Variants in ABI3BP observed in about 807,000 individuals in gnomAD.
ABI3BP encodes the protein target of Nesh-SH3.
A neutral mutation model predicts 268.6 loss-of-function variants in ABI3BP; 216 were observed. That is an observed-to-expected ratio of 0.80 (90% confidence interval 0.72 to 0.90). ABI3BP has a LOEUF of 0.90. Ranked by LOEUF, ABI3BP falls within the 40% of genes least tolerant of loss-of-function variation. The probability of loss-of-function intolerance (pLI) is 0.00; values close to 1 mark genes in which losing one functional copy is unlikely to be tolerated. For missense variants in ABI3BP, 2,090 were observed against 2,182.4 expected, an observed-to-expected ratio of 0.96 and a Z score of 0.84; for synonymous variants, 730 against 730.0, an observed-to-expected ratio of 1.00 and a Z score of 0.00.
chr3:100,952,008 C>A (rs1378084842), intron 1 of ABI3BP, among the ~76,000 whole-genome samples: 1 of 150,002 alleles, frequency 6.7e-6, no homozygotes, highest in East Asian at 1.9e-4. Context: ...CCCCACCCAA[C>A]AAGATCACTG....
chr3:100,882,650 A>T (rs946756580), intron 6 of ABI3BP, among the ~76,000 whole-genome samples: 3 of 152,046 alleles, frequency 2.0e-5, no homozygotes, highest in Non-Finnish European at 4.4e-5. Context: ...GCATGCAGGA[A>T]GTTGCTTCCT....
At chr3:100,922,057 CT>C (rs2153616847) in intron 2 of ABI3BP, among the ~76,000 whole-genome samples, 1 of 152,344 alleles carries the variant, frequency 6.6e-6, no homozygotes, top group Non-Finnish European at 1.5e-5. Context: ...ATACCACTAC[CT>C]TATTACAAAA....
In ABI3BP at chr3:100,749,743, G is replaced by A. The variant is rs1289588388; in HGVS notation, c.*752C>T. 1.5e-5 allele frequency: 6 copies of A among 398,238 alleles called. No homozygotes were observed. The highest frequency in any genetic ancestry group is 8.2e-5 in the African/African-American group (4 of 48,598). The allele number at this position is 398,238 out of a possible 1,614,324, so 24.7% of individuals were successfully genotyped here. On this transcript the variant is annotated 3_prime_UTR_variant, in exon 68 of 68. Coordinates refer to ENST00000471714, the MANE Select transcript of ABI3BP (RefSeq NM_001375547.2). ...AGAATCATAAAAACAATATGAAGAC[G>A]ATTGCATAAAGGGATAGTTTGACAA...
chr3:100,876,627 C>T (rs997232710), intron 6 of ABI3BP, 67 bp from the exon 7 acceptor site: 268 of 1,417,732 alleles, frequency 1.9e-4, no homozygotes, highest in Non-Finnish European at 2.4e-4. Flanking sequence ...TTAAAACGTT[C>T]GGAGAACTGG....
chr3:100,794,888 A>G (rs1180156805), intron 54 of ABI3BP, 35 bp downstream of exon 54: 3 of 1,473,610 alleles, frequency 2.0e-6, no homozygotes, highest in South Asian at 1.2e-5. Context: ...CTAAAAGGCA[A>G]GCTCTCTTTG....
At chr3:100,780,482 C>G (rs1445331240) in intron 57 of ABI3BP, among the ~76,000 whole-genome samples, 1 of 152,142 alleles carries the variant, frequency 6.6e-6, no homozygotes, top group Non-Finnish European at 1.5e-5. Context: ...CACTGCCTTA[C>G]TGGGTGGTAT....
chr3:100,909,620 A>T (rs1407474159), intron 2 of ABI3BP, among the ~76,000 whole-genome samples: 2 of 152,244 alleles, frequency 1.3e-5, no homozygotes, highest in Non-Finnish European at 2.9e-5. Context: ...ACATGAACAG[A>T]CACTTCTCAA....
At chr3:100,754,473 T>G in intron 64 of ABI3BP, 139 bp downstream of exon 64, 1 of 760,484 alleles carries the variant, frequency 1.3e-6, no homozygotes, top group Non-Finnish European at 2.2e-6. Flanking sequence ...CTTCATCAGT[T>G]TGCTTTTTCC....
At chr3:100,929,869 G>C (rs1470812241) in intron 1 of ABI3BP, among the ~76,000 whole-genome samples, 1 of 151,880 alleles carries the variant, frequency 6.6e-6, no homozygotes, top group East Asian at 1.9e-4. Context: ...CAGCAAAAAG[G>C]TTAAGCAAGT....
chr3:100,924,219 G>C (rs930331062), intron 2 of ABI3BP, among the ~76,000 whole-genome samples: 2 of 152,054 alleles, frequency 1.3e-5, no homozygotes, highest in African/African-American at 2.4e-5. Flanking sequence ...AGAAGGTAGA[G>C]AGGATTGTTA....
intron 10 of ABI3BP, among the ~76,000 whole-genome samples, chr3:100,865,591 G>A (rs2099042739): frequency 6.6e-6 from 1 of 152,148 alleles, no homozygotes; most frequent in African/African-American, 2.4e-5. Context: ...AATGAATTGA[G>A]AGCCAGAAAG....
Position 100,851,951 on chromosome 3 carries a change from A to AAAC in ABI3BP, c.1286-12_1286-11insGTT. 1 of 1,544,532 alleles carries AAAC rather than the reference A, an allele frequency of 6.5e-7. No individual in the cohort carries two copies. Among genetic ancestry groups the AAAC allele is most frequent in the Non-Finnish European group, 8.7e-7 (1 of 1,149,076 alleles). On this transcript the variant is annotated splice_polypyrimidine_tract_variant and intron_variant, in intron 14 of 67. Transcript: ENST00000471714. ...AAACATCATAAGTTGCTTAAAAAAA[A>AAAC]AAAAAAGGCAAAACAAGAGAGATGT...
chr3:100,824,968 C>CT, intron 35 of ABI3BP, 27 bp from the exon 36 acceptor site: 3 of 1,524,132 alleles, frequency 2.0e-6, no homozygotes, highest in Non-Finnish European at 2.6e-6. Context: ...CCTTGTGTTA[C>CT]TCTAGGTCTT....
chr3:100,795,354 C>T (rs1452414805), intron 53 of ABI3BP, among the ~76,000 whole-genome samples: 1 of 152,022 alleles, frequency 6.6e-6, no homozygotes, highest in African/African-American at 2.4e-5. Flanking sequence ...AGAATATCAT[C>T]ATTGTTGGTA....
intron 2 of ABI3BP, among the ~76,000 whole-genome samples, chr3:100,904,444 A>G (rs1416171579): frequency 6.6e-6 from 1 of 152,214 alleles, no homozygotes; most frequent in African/African-American, 2.4e-5. Flanking sequence ...CCACTCATTT[A>G]TGGCATTGGA....
At chr3:100,808,321 G>T (rs946383441) in intron 49 of ABI3BP, 86 bp from the exon 50 acceptor site, 33 of 1,009,416 alleles carry the variant, frequency 3.3e-5, no homozygotes, top group Non-Finnish European at 4.4e-5. Context: ...GATGTTTACT[G>T]AGTGATTGAA....
At chr3:100,876,814 T>A (rs1359397314) in intron 6 of ABI3BP, among the ~76,000 whole-genome samples, 2 of 107,852 alleles carry the variant, frequency 1.9e-5, no homozygotes, top group African/African-American at 6.2e-5. Context: ...ACCCCATCTC[T>A]ACTAAAAATA....
chr3:100,942,648 T>C (rs2069968407), intron 1 of ABI3BP, among the ~76,000 whole-genome samples: 1 of 152,118 alleles, frequency 6.6e-6, no homozygotes, highest in Non-Finnish European at 1.5e-5. Flanking sequence ...TTAAGTGCTC[T>C]TGATGGAAGA....
chr3:100,901,152 C>T (rs956364258), intron 3 of ABI3BP, among the ~76,000 whole-genome samples: 5 of 151,986 alleles, frequency 3.3e-5, no homozygotes, highest in Admixed American at 2.6e-4. Flanking sequence ...TTGTAAGGAG[C>T]GATTGGAATT....
Sources: gnomAD v4.1 joint callset for allele counts (sites outside exome capture counted in the v4.1 genomes callset) on GRCh38, gnomAD v4.1.1 for gene constraint, MANE v1.5 for transcripts, NCBI Gene and HGNC (gene_info 2026-07-23, HGNC 2026-07-21) for gene names.